The following ABHD17C variants were observed in gnomAD, a reference collection of about 807,000 sequenced individuals.
ABHD17C encodes alpha/beta hydrolase domain-containing protein 17C.
A neutral mutation model predicts 27.9 loss-of-function variants in ABHD17C; 11 were observed. The observed-to-expected ratio is 0.39, with a 90% CI of 0.25 to 0.65. The LOEUF is 0.65. ABHD17C is among the 30% of genes least tolerant of loss of function. ABHD17C has a pLI of 0.45. For missense variants in ABHD17C, 280 were observed against 470.2 expected, an observed-to-expected ratio of 0.60 and a Z score of 3.74; for synonymous variants, 233 against 209.1, an observed-to-expected ratio of 1.11 and a Z score of -0.98.
intron 1 of ABHD17C, among the ~76,000 whole-genome samples, chr15:80,712,846 C>T (rs917772850): frequency 2.0e-5 from 3 of 152,190 alleles, no homozygotes; most frequent in Non-Finnish European, 4.4e-5. Context: ...TTCATCTCCT[C>T]GGATCCATGA....
rs571728939 is a variant in ABHD17C at position 80,742,489 on chromosome 15, A to G, written c.591-7024A>G. On this transcript the variant is annotated intron_variant, in intron 1 of 2. Coordinates refer to ENST00000258884, the MANE Select transcript of ABHD17C (RefSeq NM_021214.2). The stretch of plus-strand genomic sequence containing the variant: ...TTCCTGTTGTCCACCTTTTTGTTCT[A>G]TCTGGGCCCTCAATGGATTAGATGA... 3.3e-5 allele frequency among the ~76,000 whole-genome samples: 5 copies of G among 152,270 alleles called. No homozygotes were observed. In the South Asian group the frequency reaches 6.2e-4, roughly 19 times the overall value.
chr15:80,716,198 A>G (rs1432772572), intron 1 of ABHD17C, among the ~76,000 whole-genome samples: 2 of 152,158 alleles, frequency 1.3e-5, no homozygotes, highest in South Asian at 2.1e-4. Flanking sequence ...TTCCAAGAGC[A>G]TGGCTTATTA....
At chr15:80,740,384 A>G (rs1895193640) in intron 1 of ABHD17C, among the ~76,000 whole-genome samples, 1 of 152,048 alleles carries the variant, frequency 6.6e-6, no homozygotes, top group African/African-American at 2.4e-5. Context: ...TGCACTGGTC[A>G]TTTGGATGGG....
intron 1 of ABHD17C, among the ~76,000 whole-genome samples, chr15:80,729,280 G>T (rs1895024974): frequency 6.6e-6 from 1 of 152,136 alleles, no homozygotes; most frequent in Non-Finnish European, 1.5e-5. Context: ...TATTTATTAT[G>T]TAATACTCAA....
At chr15:80,754,020 A>C (rs1895399225) in intron 2 of ABHD17C, 131 bp from the exon 3 acceptor site, 1 of 755,518 alleles carries the variant, frequency 1.3e-6, no homozygotes, top group South Asian at 1.9e-5. Context: ...AAAACAAAAC[A>C]AACAAAAAAA....
intron 1 of ABHD17C, among the ~76,000 whole-genome samples, chr15:80,735,842 G>A (rs1392055179): frequency 1.4e-5 from 2 of 145,752 alleles, no homozygotes; most frequent in African/African-American, 5.2e-5. Context: ...TTCTTGTTTT[G>A]AATCTCATTT....
intron 2 of ABHD17C, among the ~76,000 whole-genome samples, chr15:80,750,849 C>T (rs188060295): frequency 1.0e-3 from 156 of 150,810 alleles, no homozygotes; most frequent in African/African-American, 3.6e-3. Flanking sequence ...GGAAGCAATG[C>T]GGGGAGTTAC....
intron 1 of ABHD17C, among the ~76,000 whole-genome samples, chr15:80,710,132 G>A (rs1894709935): frequency 6.6e-6 from 1 of 152,156 alleles, no homozygotes; most frequent in African/African-American, 2.4e-5. Flanking sequence ...CTGACACATG[G>A]CCCCAAGCAG....
intron 2 of ABHD17C, 119 bp from the exon 3 acceptor site, chr15:80,754,032 C>T: frequency 1.1e-5 from 9 of 815,010 alleles, no homozygotes; most frequent in South Asian, 1.8e-5. Context: ...ACAAAAAAAA[C>T]CCACGGTGTT....
chr15:80,721,451 A>G (rs922482446), intron 1 of ABHD17C, among the ~76,000 whole-genome samples: 13 of 152,234 alleles, frequency 8.5e-5, no homozygotes, highest in African/African-American at 2.9e-4. Flanking sequence ...TTTGGGCTGA[A>G]TCTTGGCTTT....
chr15:80,710,628 G>A (rs1431857428), intron 1 of ABHD17C, among the ~76,000 whole-genome samples: 2 of 152,236 alleles, frequency 1.3e-5, no homozygotes, highest in Non-Finnish European at 2.9e-5. Flanking sequence ...AGTATTTGCT[G>A]ATGCAGAGTG....
At chr15:80,750,756 T>C (rs1895355402) in intron 2 of ABHD17C, among the ~76,000 whole-genome samples, 1 of 152,144 alleles carries the variant, frequency 6.6e-6, no homozygotes, top group Admixed American at 6.5e-5. Context: ...AGGGCTAATG[T>C]GCCTCTCAAA....
chr15:80,709,771 C>T (rs568807347), intron 1 of ABHD17C, among the ~76,000 whole-genome samples: 17 of 152,232 alleles, frequency 1.1e-4, no homozygotes, highest in Admixed American at 9.2e-4. Flanking sequence ...CCTTGTACCT[C>T]GTGATCACCT....
chr15:80,740,461 C>T (rs1895194563), intron 1 of ABHD17C, among the ~76,000 whole-genome samples: 1 of 152,062 alleles, frequency 6.6e-6, no homozygotes. Context: ...TCTGGCAAAT[C>T]CCCTTACCTA....
chr15:80,747,256 A>G (rs1245774879), intron 1 of ABHD17C, among the ~76,000 whole-genome samples: 5 of 152,112 alleles, frequency 3.3e-5, no homozygotes, highest in African/African-American at 4.8e-5. Flanking sequence ...CATGGTCCAT[A>G]TGCTTTTTGG....
At chr15:80,750,316 C>T (rs1357856572) in intron 2 of ABHD17C, among the ~76,000 whole-genome samples, 1 of 152,194 alleles carries the variant, frequency 6.6e-6, no homozygotes, top group Non-Finnish European at 1.5e-5. Flanking sequence ...TGCTCTACCA[C>T]TTTGACCGGA....
chr15:80,725,600 A>G (rs1894961711), intron 1 of ABHD17C, among the ~76,000 whole-genome samples: 1 of 152,074 alleles, frequency 6.6e-6, no homozygotes, highest in African/African-American at 2.4e-5. Flanking sequence ...GCAGCCGTGA[A>G]CTTCTGGCCT....
At chr15:80,740,089 T>A (rs1895188487) in intron 1 of ABHD17C, among the ~76,000 whole-genome samples, 1 of 152,202 alleles carries the variant, frequency 6.6e-6, no homozygotes, top group Non-Finnish European at 1.5e-5. Flanking sequence ...CCTGATTCTA[T>A]TGCTTAACTA....
At chr15:80,724,337 C>T (rs1275445574) in intron 1 of ABHD17C, among the ~76,000 whole-genome samples, 4 of 151,946 alleles carry the variant, frequency 2.6e-5, no homozygotes, top group Non-Finnish European at 4.4e-5. Context: ...CCTCCTTCCC[C>T]GTCCCCTCCA....
Sources: gnomAD v4.1 joint callset for allele counts (sites outside exome capture counted in the v4.1 genomes callset) on GRCh38, gnomAD v4.1.1 for gene constraint, MANE v1.5 for transcripts, NCBI Gene and HGNC (gene_info 2026-07-23, HGNC 2026-07-21) for gene names.